The following ABCA4 variants were observed in gnomAD, a reference collection of about 807,000 sequenced individuals.
The protein encoded by ABCA4 is retinal-specific phospholipid-transporting ATPase ABCA4.
Under a neutral mutation model 263.7 loss-of-function variants are expected in ABCA4, and 196 were observed. The observed-to-expected ratio is 0.74, with a 90% CI of 0.66 to 0.84. ABCA4 has a LOEUF of 0.84. Ranked by LOEUF, ABCA4 falls within the 40% of genes least tolerant of loss-of-function variation. The pLI is 0.00. For missense variants in ABCA4, 2,792 were observed against 2,855.1 expected, an observed-to-expected ratio of 0.98 and a Z score of 0.50; for synonymous variants, 1,133 against 1,094.2, an observed-to-expected ratio of 1.04 and a Z score of -0.70.
At chr1:94,046,037 G>A in intron 19 of ABCA4, 1 of 439,046 alleles carries the variant, frequency 2.3e-6, no homozygotes, top group South Asian at 1.6e-5. Flanking sequence ...TACTCCACAA[G>A]CCCCTCTAGA....
chr1:93,999,172 A>G (rs1659104122), intron 47 of ABCA4, among the ~76,000 whole-genome samples: 1 of 151,362 alleles, frequency 6.6e-6, no homozygotes, highest in African/African-American at 2.4e-5. Context: ...CAGTTTCCCG[A>G]GTAGGTGGGA....
intron 7 of ABCA4, among the ~76,000 whole-genome samples, chr1:94,081,921 A>T (rs1373844924): frequency 6.6e-6 from 1 of 152,240 alleles, no homozygotes; most frequent in Non-Finnish European, 1.5e-5. Context: ...CCTAAAACAC[A>T]CCTGATTACT....
chr1:94,043,371 T>A lies in ABCA4; in HGVS notation c.3155A>T (p.His1052Leu). ...MEAMLEDTGLHHKRNEEAQDL... is the reference protein window; with the variant it reads ...MEAMLEDTGLLHKRNEEAQDL... ...CTGAGCCTCTTCATTCCGCTTGTGGTGGAGGCCTGTGTCCTCCAACATGGC... is the reference window on the plus strand; with the variant it reads ...CTGAGCCTCTTCATTCCGCTTGTGGAGGAGGCCTGTGTCCTCCAACATGGC... The change falls in exon 21 of 50, where the codon CAC becomes CTC. Residue 1052 changes from histidine to leucine, a missense_variant. Physicochemically the swap from His to Leu is moderately conservative, Grantham distance 99 (BLOSUM62 -3). Transcript: ENST00000370225. The A allele has an allele frequency of 6.2e-7, 1 of 1,614,158 alleles. No homozygotes were observed. Among genetic ancestry groups the A allele is most frequent in the Non-Finnish European group, 8.5e-7 (1 of 1,180,036 alleles).
chr1:94,056,173 C>T (rs1660972573), intron 15 of ABCA4, among the ~76,000 whole-genome samples: 2 of 152,212 alleles, frequency 1.3e-5, no homozygotes, highest in South Asian at 4.1e-4. Context: ...TGTGGAAATA[C>T]TCCAATTCAA....
chr1:94,079,430 C>T lies in ABCA4; in HGVS notation c.1131G>A (p.Leu377=). 6.2e-7 allele frequency: 1 copy of T among 1,614,168 alleles called. No individual in the cohort carries two copies. Residue 377 remains leucine, a synonymous_variant, in exon 9 of 50, where the codon CTG becomes CTA. Transcript: ENST00000370225. Reference sequence around the variant, plus strand: ...CGATTTTGGTTAAAGGATTTGACTCCAGGCTCTGGATCAATGCATTACAAA... The same window carrying T: ...CGATTTTGGTTAAAGGATTTGACTCTAGGCTCTGGATCAATGCATTACAAA... ...TSFCNALIQS[L]ESNPLTKIAW...
chr1:94,016,504 C>T (rs888206142), intron 36 of ABCA4, among the ~76,000 whole-genome samples: 10 of 152,052 alleles, frequency 6.6e-5, no homozygotes, highest in African/African-American at 2.2e-4. Flanking sequence ...AGGGAGAGGA[C>T]GGCATCCACA....
At chr1:94,086,271 T>C (rs1661823140) in intron 6 of ABCA4, among the ~76,000 whole-genome samples, 1 of 152,228 alleles carries the variant, frequency 6.6e-6, no homozygotes, top group Non-Finnish European at 1.5e-5. Context: ...CCAAGCTTTT[T>C]ATCCATTGCA....
intron 19 of ABCA4, among the ~76,000 whole-genome samples, chr1:94,045,136 G>C (rs1398346158): frequency 2.0e-5 from 3 of 152,224 alleles, no homozygotes; most frequent in Non-Finnish European, 4.4e-5. Context: ...TGGGTGAGCA[G>C]TCATGGCTAT....
chr1:94,095,509 C>T (rs996522563), intron 6 of ABCA4, among the ~76,000 whole-genome samples: 13 of 152,314 alleles, frequency 8.5e-5, no homozygotes, highest in African/African-American at 2.4e-4. Context: ...CCAGCATTCC[C>T]GCACTGCAGC....
At position 94,092,839 on chromosome 1, in the gene ABCA4, C is replaced by G. The variant is rs372866084; in HGVS notation, c.768+5955G>C. Among the ~76,000 whole-genome samples, 41 of 152,256 alleles carry G rather than the reference C, an allele frequency of 2.7e-4. 1 individual carries two copies. In the South Asian group the frequency reaches 8.3e-3, roughly 31 times the overall value. ...GGTCTGAAGAAGGAGAAATGGGGAG[C>G]AAAGGGCCTCTCAAAAGAGGCTGTG... On this transcript the variant is annotated intron_variant, in intron 6 of 49. Transcript: ENST00000370225.
At chr1:94,018,618 CT>C in intron 36 of ABCA4, 1 of 455,718 alleles carries the variant, frequency 2.2e-6, no homozygotes. Context: ...TTGTGTTGGT[CT>C]CCATCAGTTG....
intron 1 of ABCA4, 70 bp downstream of exon 1, chr1:94,120,910 C>T (rs1183403198): frequency 3.5e-6 from 4 of 1,144,978 alleles, no homozygotes; most frequent in African/African-American, 3.2e-5. Context: ...ACCCCACCAC[C>T]CCACCCCACA....
At chr1:94,014,958 T>C (rs971069536) in intron 37 of ABCA4, among the ~76,000 whole-genome samples, 1 of 152,196 alleles carries the variant, frequency 6.6e-6, no homozygotes, top group African/African-American at 2.4e-5. Context: ...TACAAAGCCC[T>C]GTACAATTCA....
rs1660845176 is a variant in ABCA4 at position 94,051,692 on chromosome 1, T to C, written c.2594A>G (p.Tyr865Cys). The C allele has an allele frequency of 3.1e-6, 5 of 1,613,374 alleles. No individual in the cohort carries two copies. Among genetic ancestry groups the C allele is most frequent in the Middle Eastern group, 1.6e-4 (1 of 6,084 alleles). Residue 865 changes from tyrosine to cysteine, a missense_variant, in exon 17 of 50, where the codon TAT becomes TGT. Tyr to Cys is a radical substitution (Grantham distance 194, BLOSUM62 -2). Transcript: ENST00000370225. ...AAAGTACCAAGGAAGTGGGGTTCCATAGTCTCCTAAAAATAGAGACAAATA... is the reference window on the plus strand; with the variant it reads ...AAAGTACCAAGGAAGTGGGGTTCCACAGTCTCCTAAAAATAGAGACAAATA... Reference protein sequence around the residue: ...WYLDQVFPGDYGTPLPWYFLL... With the variant: ...WYLDQVFPGDCGTPLPWYFLL...
intron 38 of ABCA4, among the ~76,000 whole-genome samples, chr1:94,011,933 TCTG>T (rs71588509): frequency 0.091 from 13,063 of 142,798 alleles, 737 homozygotes; most frequent in Non-Finnish European, 0.13. Context: ...CATCTCCAGC[TCTG>T]CTTTTCAGCC....
chr1:94,108,518 T>G, intron 4 of ABCA4, 59 bp downstream of exon 4: 2 of 1,608,256 alleles, frequency 1.2e-6, no homozygotes, highest in Non-Finnish European at 1.7e-6. Context: ...CTTTCCTATA[T>G]CTTCAGTCTC....
chr1:94,034,390 A>G (rs1660287210), intron 26 of ABCA4, among the ~76,000 whole-genome samples: 1 of 151,776 alleles, frequency 6.6e-6, no homozygotes, highest in Non-Finnish European at 1.5e-5. Flanking sequence ...TTCCATGTTG[A>G]TCCCTTCGTT....
chr1:94,095,470 C>A (rs1407192415), intron 6 of ABCA4, among the ~76,000 whole-genome samples: 4 of 152,156 alleles, frequency 2.6e-5, no homozygotes, highest in East Asian at 1.9e-4. Flanking sequence ...GGCCTACGTG[C>A]GTATGAGAAA....
At chr1:94,067,004 G>A (rs1183537054) in intron 11 of ABCA4, among the ~76,000 whole-genome samples, 2 of 152,204 alleles carry the variant, frequency 1.3e-5, no homozygotes, top group South Asian at 4.1e-4. Flanking sequence ...CAGTTCCAAA[G>A]ATAGTACATT....
Sources: allele counts gnomAD v4.1 joint callset (sites outside exome capture counted in the v4.1 genomes callset), GRCh38; gene constraint gnomAD v4.1.1; transcripts MANE v1.5; gene names NCBI Gene and HGNC (gene_info 2026-07-23, HGNC 2026-07-21).